MAP2K6: variants seen among roughly 807,000 people sequenced by gnomAD.
MAP2K6 encodes dual specificity mitogen-activated protein kinase kinase 6.
In MAP2K6, 16 loss-of-function variants were observed where a neutral mutation model predicts 53.7. The observed-to-expected ratio is 0.30, with a 90% CI of 0.20 to 0.45. The LOEUF is 0.45. Ranked by LOEUF, MAP2K6 falls within the 20% of genes least tolerant of loss-of-function variation. MAP2K6 has a pLI of 1.00. For missense variants in MAP2K6, 204 were observed against 411.9 expected, an observed-to-expected ratio of 0.50 and a Z score of 4.37; for synonymous variants, 132 against 143.1, an observed-to-expected ratio of 0.92 and a Z score of 0.55.
chr17:69,442,203 C>T (rs1906841568), intron 1 of MAP2K6, among the ~76,000 whole-genome samples: 1 of 152,130 alleles, frequency 6.6e-6, no homozygotes, highest in Non-Finnish European at 1.5e-5. Context: ...CTTCTGTTAC[C>T]TCGACTCCTT....
intron 1 of MAP2K6, among the ~76,000 whole-genome samples, chr17:69,421,490 T>G (rs993727457): frequency 1.3e-5 from 2 of 152,014 alleles, no homozygotes; most frequent in African/African-American, 2.4e-5. Context: ...TTTTTAAGTC[T>G]ATGAGGCTTC....
At chr17:69,526,483 C>G in intron 9 of MAP2K6, 87 bp from the exon 10 acceptor site, 4 of 1,445,054 alleles carry the variant, frequency 2.8e-6, no homozygotes, top group Non-Finnish European at 3.8e-6. Flanking sequence ...CTTGTGTTTC[C>G]TGCTGTCTAT....
rs568187201 is a variant in MAP2K6 at position 69,524,886 on chromosome 17, C to T, written c.664-15C>T. On this transcript the variant is annotated splice_polypyrimidine_tract_variant and intron_variant, in intron 8 of 11. Coordinates refer to ENST00000590474, the MANE Select transcript of MAP2K6 (RefSeq NM_002758.4). ...ATTGTCTTCCCAGTTTCTCAGTTGT[C>T]TGTCTTCTTTCCAGCCTGAAAGAAT... is the stretch of plus-strand genomic sequence containing the variant. 2.5e-6 allele frequency: 4 copies of T among 1,600,556 alleles called. No individual in the cohort carries two copies. The highest frequency in any genetic ancestry group is 1.3e-5 in the African/African-American group (1 of 74,762).
At position 69,527,382 on chromosome 17, in the gene MAP2K6, C is replaced by A. The variant is rs941827764; in HGVS notation, c.881+673C>A. On this transcript the variant is annotated intron_variant, in intron 10 of 11. Transcript: ENST00000590474. ...AATGCTGAAGTTCTGGGAAGGGAAT[C>A]CAAAGGAAGTTGGGGTGGAAAGTGG... is the stretch of plus-strand genomic sequence containing the variant. 2.6e-5 allele frequency among the ~76,000 whole-genome samples: 4 copies of A among 152,050 alleles called. No individual in the cohort carries two copies. The East Asian group carries it at 7.7e-4, about 29-fold the overall frequency.
In MAP2K6 at chr17:69,520,258, A is replaced by C; in HGVS notation, c.367-12A>C. The C allele has an allele frequency of 1.1e-5, 15 of 1,360,252 alleles. No individual in the cohort carries two copies. Among genetic ancestry groups the C allele is most frequent in the Non-Finnish European group, 1.5e-5 (15 of 969,534 alleles). 84.3% of individuals were successfully genotyped at this position (1,360,252 alleles called of 1,614,324 possible). ...ATCCTTTTAAACAATTCCTGAAACAATTGGTCTCCAGGGTGATGTGTGGAT... is the reference window on the plus strand; with the variant it reads ...ATCCTTTTAAACAATTCCTGAAACACTTGGTCTCCAGGGTGATGTGTGGAT... On this transcript the variant is annotated splice_polypyrimidine_tract_variant and intron_variant, in intron 5 of 11. Coordinates refer to ENST00000590474, the MANE Select transcript of MAP2K6 (RefSeq NM_002758.4).
chr17:69,419,928 A>AAT (rs397819938), intron 1 of MAP2K6, among the ~76,000 whole-genome samples: 1 of 143,128 alleles, frequency 7.0e-6, no homozygotes, highest in Non-Finnish European at 1.5e-5. Flanking sequence ...AAAAAAAAAA[A>AAT]TTAATTAATT....
At chr17:69,509,241 A>G (rs2145231217) in intron 2 of MAP2K6, among the ~76,000 whole-genome samples, 1 of 152,326 alleles carries the variant, frequency 6.6e-6, no homozygotes, top group South Asian at 2.1e-4. Context: ...ATCTGCAAAC[A>G]TGGTATATTT....
At chr17:69,432,214 A>G (rs1454903432) in intron 1 of MAP2K6, among the ~76,000 whole-genome samples, 1 of 152,222 alleles carries the variant, frequency 6.6e-6, no homozygotes, top group Non-Finnish European at 1.5e-5. Context: ...TTTTAATACA[A>G]ACTCTGCATA....
intron 1 of MAP2K6, among the ~76,000 whole-genome samples, chr17:69,454,664 T>A (rs1388696169): frequency 1.3e-5 from 2 of 152,152 alleles, no homozygotes; most frequent in African/African-American, 4.8e-5. Flanking sequence ...CTGCTGGGAT[T>A]ACAGGTGTGG....
At chr17:69,461,108 C>G (rs558532180) in intron 1 of MAP2K6, among the ~76,000 whole-genome samples, 2 of 152,292 alleles carry the variant, frequency 1.3e-5, no homozygotes, top group South Asian at 4.1e-4. Context: ...CCTTTTTCTA[C>G]TATAAAAAGC....
chr17:69,512,687 G>T (rs1206835560), intron 2 of MAP2K6, among the ~76,000 whole-genome samples: 2 of 152,104 alleles, frequency 1.3e-5, no homozygotes, highest in Non-Finnish European at 2.9e-5. Flanking sequence ...GTTGAAAGAG[G>T]TATTAATGAG....
intron 2 of MAP2K6, among the ~76,000 whole-genome samples, chr17:69,506,775 T>C (rs1909511778): frequency 6.6e-6 from 1 of 151,088 alleles, no homozygotes; most frequent in Non-Finnish European, 1.5e-5. Context: ...CGTGAAGCAG[T>C]ATACAGACAC....
intron 2 of MAP2K6, among the ~76,000 whole-genome samples, chr17:69,509,708 TAGAG>T (rs1909710166): frequency 1.3e-5 from 2 of 152,190 alleles, no homozygotes; most frequent in Admixed American, 6.5e-5. Flanking sequence ...TTCCTCATCT[TAGAG>T]GGAAAGCATT....
intron 1 of MAP2K6, among the ~76,000 whole-genome samples, chr17:69,451,260 G>T (rs892907542): frequency 6.6e-6 from 1 of 152,198 alleles, no homozygotes; most frequent in African/African-American, 2.4e-5. Flanking sequence ...GTTGCAAGCC[G>T]GTGGTAGCTG....
intron 1 of MAP2K6, among the ~76,000 whole-genome samples, chr17:69,421,702 C>T (rs986364915): frequency 4.0e-5 from 6 of 151,662 alleles, no homozygotes; most frequent in East Asian, 1.9e-4. Flanking sequence ...CCACCATGCC[C>T]GGCTAATTTT....
At chr17:69,531,071 G>C (rs1175510714) in intron 10 of MAP2K6, among the ~76,000 whole-genome samples, 1 of 146,590 alleles carries the variant, frequency 6.8e-6, no homozygotes. Context: ...TTTTTTTCGT[G>C]AGCTCCATGT....
intron 1 of MAP2K6, among the ~76,000 whole-genome samples, chr17:69,444,874 T>C (rs1409371828): frequency 1.3e-5 from 2 of 152,206 alleles, no homozygotes; most frequent in African/African-American, 2.4e-5. Flanking sequence ...CCACTAACTT[T>C]CATTTACTGG....
chr17:69,517,472 A>G (rs762387284), intron 3 of MAP2K6, 28 bp from the exon 4 acceptor site: 6 of 1,301,912 alleles, frequency 4.6e-6, no homozygotes, highest in Middle Eastern at 1.9e-4. Context: ...TCTCTTTCCC[A>G]TTGCATTATT....
intron 1 of MAP2K6, among the ~76,000 whole-genome samples, chr17:69,432,309 C>A (rs764366114): frequency 2.6e-5 from 4 of 152,104 alleles, no homozygotes; most frequent in African/African-American, 7.2e-5. Flanking sequence ...TGGGTATATA[C>A]CCAAAGGAAT....
Sources: gnomAD v4.1 joint callset for allele counts (sites outside exome capture counted in the v4.1 genomes callset) on GRCh38, gnomAD v4.1.1 for gene constraint, MANE v1.5 for transcripts, NCBI Gene and HGNC (gene_info 2026-07-23, HGNC 2026-07-21) for gene names.